DOCK10: variants seen among roughly 807,000 people sequenced by gnomAD.
The protein encoded by DOCK10 is dedicator of cytokinesis 10.
A neutral mutation model predicts 280.1 loss-of-function variants in DOCK10; 145 were observed. The ratio of observed to expected loss-of-function variants is 0.52; its 90% CI spans 0.45 to 0.59. The LOEUF (loss-of-function observed/expected upper bound fraction) is 0.59. Ranked by LOEUF, DOCK10 falls within the 20% of genes least tolerant of loss-of-function variation. The probability of loss-of-function intolerance (pLI) is 0.00; values close to 1 mark genes in which losing one functional copy is unlikely to be tolerated. For synonymous variants in DOCK10, 915 were observed against 942.2 expected (o/e 0.97, Z 0.53); for missense variants, 2,368 against 2,651.7 (o/e 0.89, Z 2.35).
At chr2:224,947,460 C>T (rs189988963) in intron 1 of DOCK10, among the ~76,000 whole-genome samples, 2 of 152,216 alleles carry the variant, frequency 1.3e-5, no homozygotes, top group African/African-American at 4.8e-5. Context: ...AGTGATCTTC[C>T]GAGGGGAGTT....
At chr2:224,813,342 T>A (rs1693909099) in intron 31 of DOCK10, among the ~76,000 whole-genome samples, 1 of 152,142 alleles carries the variant, frequency 6.6e-6, no homozygotes, top group African/African-American at 2.4e-5. Context: ...GTTACAGACA[T>A]GTGCCACCAT....
intron 1 of DOCK10, among the ~76,000 whole-genome samples, chr2:225,014,081 A>ATATATATTTTTTTTTTTTTTT (rs776104946): frequency 2.1e-5 from 2 of 96,800 alleles, no homozygotes. Flanking sequence ...GTCTGAATAT[A>ATATATATTTTTTTTTTTTTTT]TTGTTTTTTT....
intron 1 of DOCK10, among the ~76,000 whole-genome samples, chr2:224,961,338 ACT>A (rs1200820705): frequency 2.7e-5 from 4 of 148,382 alleles, no homozygotes; most frequent in Non-Finnish European, 6.0e-5. Context: ...GTGCAACACA[ACT>A]CTCTCTCCAG....
rs768815267 is a variant in DOCK10, at chr2:224,805,205, C to G, written c.4051+1G>C. On this transcript the variant is annotated splice_donor_variant, in intron 36 of 55. Transcript: ENST00000258390. LOFTEE classifies it high-confidence loss of function. This position sits in a 1 kb window ranked among gnomAD's most constrained non-coding sequence, Gnocchi z 4.3. ...CAAAAAAATTAAAGAATTCTCTTTACCGTACGAAATCGTTTTCATAATGTG... is the reference window on the plus strand; with the variant it reads ...CAAAAAAATTAAAGAATTCTCTTTAGCGTACGAAATCGTTTTCATAATGTG... 6.2e-7 allele frequency: 1 copy of G among 1,608,092 alleles called. No homozygotes were observed.
intron 1 of DOCK10, among the ~76,000 whole-genome samples, chr2:224,974,417 C>T (rs1705283683): frequency 6.6e-6 from 1 of 152,032 alleles, no homozygotes; most frequent in Non-Finnish European, 1.5e-5. Flanking sequence ...AACAGCTATC[C>T]ACAAGAAACT....
At chr2:224,837,547 T>C (rs1209794669) in intron 25 of DOCK10, among the ~76,000 whole-genome samples, 1 of 152,262 alleles carries the variant, frequency 6.6e-6, no homozygotes, top group African/African-American at 2.4e-5. Flanking sequence ...TAATTATTTA[T>C]GTGCACAGGT....
intron 4 of DOCK10, among the ~76,000 whole-genome samples, chr2:224,895,841 G>GTATATATATA (rs71410338): frequency 2.0e-3 from 279 of 136,154 alleles, no homozygotes; most frequent in African/African-American, 7.9e-3. Context: ...GCGTGTGTGT[G>GTATATATATA]TATATATATA....
chr2:224,957,744 A>G (rs1704135011), intron 1 of DOCK10, among the ~76,000 whole-genome samples: 1 of 152,150 alleles, frequency 6.6e-6, no homozygotes, highest in Admixed American at 6.5e-5. Flanking sequence ...TCACTTCTCT[A>G]CATGTCTCAA....
At chr2:225,009,340 A>G (rs2126295550) in intron 1 of DOCK10, among the ~76,000 whole-genome samples, 1 of 152,364 alleles carries the variant, frequency 6.6e-6, no homozygotes, top group South Asian at 2.1e-4. Context: ...CTATAACAGT[A>G]AAACCTTAAG....
At chr2:224,884,397 G>A (rs1699155694) in intron 7 of DOCK10, among the ~76,000 whole-genome samples, 1 of 152,180 alleles carries the variant, frequency 6.6e-6, no homozygotes, top group African/African-American at 2.4e-5. Context: ...TTCTCTACTG[G>A]CCTGTGACCA....
chr2:224,976,462 C>T (rs1489684019), intron 1 of DOCK10, among the ~76,000 whole-genome samples: 1 of 151,954 alleles, frequency 6.6e-6, no homozygotes, highest in Non-Finnish European at 1.5e-5. Context: ...ATAATAGTCC[C>T]CATTTAGCCA....
At chr2:224,857,213 A>G (rs1697207070) in intron 14 of DOCK10, among the ~76,000 whole-genome samples, 2 of 152,250 alleles carry the variant, frequency 1.3e-5, no homozygotes, top group Admixed American at 1.3e-4. Context: ...CCATATTACA[A>G]CTATATTTTT....
chr2:225,010,609 G>A (rs1689405729), intron 1 of DOCK10: 1 of 154,328 alleles, frequency 6.5e-6, no homozygotes. Context: ...CTGGGAAAGG[G>A]AACGTAAGAT....
intron 4 of DOCK10, among the ~76,000 whole-genome samples, chr2:224,887,988 A>G (rs894877065): frequency 6.6e-5 from 10 of 152,178 alleles, no homozygotes; most frequent in Non-Finnish European, 1.3e-4. Flanking sequence ...TACAAGCATT[A>G]TGGGAAACAG....
At chr2:224,861,481 T>C (rs1308989186) in intron 14 of DOCK10, 1 of 152,278 alleles carries the variant, frequency 6.6e-6, no homozygotes, top group Non-Finnish European at 1.5e-5. Context: ...AACGAATTCC[T>C]GGAGACTGCA....
At chr2:224,905,781 C>T (rs933059345) in intron 3 of DOCK10, among the ~76,000 whole-genome samples, 3 of 152,118 alleles carry the variant, frequency 2.0e-5, no homozygotes, top group Admixed American at 6.5e-5. Context: ...TCTCCTTGTT[C>T]CCCGCTTTCC....
intron 1 of DOCK10, among the ~76,000 whole-genome samples, chr2:224,943,632 T>C (rs1195801443): frequency 2.6e-5 from 4 of 152,212 alleles, no homozygotes; most frequent in African/African-American, 9.7e-5. Flanking sequence ...GCTTTCTTCT[T>C]TAACTTTAGG....
chr2:224,933,755 C>G (rs1294020934), intron 1 of DOCK10, among the ~76,000 whole-genome samples: 4 of 152,106 alleles, frequency 2.6e-5, no homozygotes, highest in Non-Finnish European at 5.9e-5. Flanking sequence ...CTCCTCACAC[C>G]AAAATGAGTA....
chr2:224,797,251 T>G, intron 42 of DOCK10, 105 bp from the exon 43 acceptor site: 1 of 894,724 alleles, frequency 1.1e-6, no homozygotes, highest in Non-Finnish European at 1.6e-6. Flanking sequence ...TCCTTTTTTT[T>G]TTTAACTTGG....
Sources: gnomAD v4.1 joint callset for allele counts (sites outside exome capture counted in the v4.1 genomes callset) on GRCh38, gnomAD v4.1.1 for gene constraint, Gnocchi (gnomAD v3.1) non-coding constraint, MANE v1.5 for transcripts, NCBI Gene and HGNC (gene_info 2026-07-23, HGNC 2026-07-21) for gene names.